The following TRDN variants were observed in gnomAD, a reference collection of about 807,000 sequenced individuals.
TRDN encodes triadin.
In TRDN, 161 loss-of-function variants were observed where a neutral mutation model predicts 149.7. The ratio of observed to expected loss-of-function variants is 1.08; its 90% CI spans 0.95 to 1.23. The LOEUF (loss-of-function observed/expected upper bound fraction) is 1.23. Ranked by LOEUF, TRDN falls within the 50% of genes most tolerant of loss-of-function variation. The probability of loss-of-function intolerance (pLI) is 0.00; values close to 1 mark genes in which losing one functional copy is unlikely to be tolerated. For synonymous variants in TRDN, 294 were observed against 250.5 expected, an observed-to-expected ratio of 1.17 and a Z score of -1.64; for missense variants, 896 against 823.5, an observed-to-expected ratio of 1.09 and a Z score of -1.08.
chr6:123,320,630 C>T (rs1262918239), intron 23 of TRDN, among the ~76,000 whole-genome samples: 2 of 152,050 alleles, frequency 1.3e-5, no homozygotes, highest in Non-Finnish European at 1.5e-5. Flanking sequence ...TTAAGCACTT[C>T]AACACACTTC....
intron 4 of TRDN, among the ~76,000 whole-genome samples, chr6:123,543,909 G>A (rs914914154): frequency 4.4e-4 from 67 of 151,644 alleles, no homozygotes; most frequent in African/African-American, 1.6e-3. Flanking sequence ...TTTTACCCAA[G>A]AGCTACATTA....
intron 22 of TRDN, among the ~76,000 whole-genome samples, chr6:123,337,002 T>C (rs1397530152): frequency 6.6e-6 from 1 of 151,922 alleles, no homozygotes; most frequent in Non-Finnish European, 1.5e-5. Flanking sequence ...TCAGTTTAAA[T>C]ATTTACATAG....
chr6:123,527,825 T>G (rs1461275614), intron 5 of TRDN, among the ~76,000 whole-genome samples: 1 of 151,472 alleles, frequency 6.6e-6, no homozygotes, highest in Non-Finnish European at 1.5e-5. Context: ...GTACTGTATG[T>G]GACCAATACA....
chr6:123,391,652 C>T (rs1487509006), intron 13 of TRDN, among the ~76,000 whole-genome samples: 1 of 151,806 alleles, frequency 6.6e-6, no homozygotes, highest in Non-Finnish European at 1.5e-5. Flanking sequence ...AGAATATATG[C>T]TAAATCTTAA....
At chr6:123,402,086 T>C (rs1773004547) in intron 12 of TRDN, among the ~76,000 whole-genome samples, 1 of 152,166 alleles carries the variant, frequency 6.6e-6, no homozygotes, top group African/African-American at 2.4e-5. Flanking sequence ...AAGAGTCTTG[T>C]TTGATGTTAA....
chr6:123,266,269 AG>A (rs1344820105), intron 32 of TRDN, among the ~76,000 whole-genome samples: 1 of 29,474 alleles, frequency 3.4e-5, no homozygotes, highest in African/African-American at 9.1e-5. Flanking sequence ...TATTATATAT[AG>A]TAATATATAT....
At chr6:123,323,482 A>G (rs372476031) in intron 23 of TRDN, among the ~76,000 whole-genome samples, 1 of 152,152 alleles carries the variant, frequency 6.6e-6, no homozygotes, top group African/African-American at 2.4e-5. Context: ...AACAGAAACA[A>G]AACAAAAACA....
intron 12 of TRDN, among the ~76,000 whole-genome samples, chr6:123,400,977 T>C (rs1772944535): frequency 6.6e-6 from 1 of 152,150 alleles, no homozygotes; most frequent in African/African-American, 2.4e-5. Flanking sequence ...GTACCTTGTA[T>C]CTCTAACACA....
At chr6:123,255,731 T>A in intron 36 of TRDN, 136 bp downstream of exon 36, 1 of 412,002 alleles carries the variant, frequency 2.4e-6, no homozygotes, top group Non-Finnish European at 4.1e-6. Flanking sequence ...CTTACCATAT[T>A]TCTTCTTTTA....
intron 20 of TRDN, among the ~76,000 whole-genome samples, chr6:123,364,409 C>T (rs547399394): frequency 3.9e-5 from 6 of 152,172 alleles, no homozygotes; most frequent in East Asian, 1.9e-4. Flanking sequence ...GAGGCTGAGG[C>T]GGGCAGATCA....
intron 10 of TRDN, among the ~76,000 whole-genome samples, chr6:123,457,974 T>C (rs1776231422): frequency 6.6e-6 from 1 of 152,206 alleles, no homozygotes; most frequent in Non-Finnish European, 1.5e-5. Context: ...ATCTGGCAGA[T>C]GAGGAAACCC....
intron 1 of TRDN, among the ~76,000 whole-genome samples, chr6:123,574,991 A>AT: frequency 6.6e-6 from 1 of 150,816 alleles, no homozygotes; most frequent in African/African-American, 2.4e-5. Flanking sequence ...TTTCTAAACA[A>AT]CTGACATAAT....
At chr6:123,305,814 G>A (rs1778586940) in intron 24 of TRDN, among the ~76,000 whole-genome samples, 1 of 152,092 alleles carries the variant, frequency 6.6e-6, no homozygotes, top group South Asian at 2.1e-4. Flanking sequence ...TATCTGTACT[G>A]TGAGCAGCTC....
At chr6:123,267,840 A>G in intron 31 of TRDN, 89 bp from the exon 32 acceptor site, 4 of 982,180 alleles carry the variant, frequency 4.1e-6, no homozygotes, top group Non-Finnish European at 5.8e-6. Context: ...TCCTCAGTTT[A>G]CCCAAGAGGC....
In TRDN at chr6:123,278,359, G is replaced by C. The variant is rs1474702814; in HGVS notation, c.1538-12C>G. ...TTTTCCTTGTAGTTCTAAAAATATA[G>C]ATGAACATTAGTAACAATGATTATA... On this transcript the variant is annotated splice_polypyrimidine_tract_variant and intron_variant, in intron 25 of 40. Transcript: ENST00000334268. 3.9e-6 allele frequency: 5 copies of C among 1,271,148 alleles called. No homozygotes were observed. Among genetic ancestry groups the C allele is most frequent in the Non-Finnish European group, 5.3e-6 (5 of 938,678 alleles). The allele number at this position is 1,271,148 out of a possible 1,614,324, so 78.7% of individuals were successfully genotyped here.
At chr6:123,632,347 C>A (rs991065277) in intron 1 of TRDN, among the ~76,000 whole-genome samples, 6 of 151,954 alleles carry the variant, frequency 3.9e-5, no homozygotes, top group African/African-American at 1.4e-4. Context: ...AGAGTCAGTT[C>A]TAGCTATCAT....
intron 10 of TRDN, chr6:123,442,407 G>A (rs991991655): frequency 1.0e-4 from 14 of 140,428 alleles, no homozygotes; most frequent in African/African-American, 1.5e-4. Context: ...TTAGCCGGGC[G>A]TGATGGTGGG....
chr6:123,223,958 A>C, intron 39 of TRDN, 135 bp downstream of exon 39: 1 of 653,024 alleles, frequency 1.5e-6, no homozygotes, highest in South Asian at 2.4e-5. Context: ...TTTAAAAATA[A>C]GCCTACCATG....
chr6:123,586,045 A>G (rs1783462143), intron 1 of TRDN, among the ~76,000 whole-genome samples: 6 of 152,228 alleles, frequency 3.9e-5, no homozygotes, highest in Middle Eastern at 3.4e-3. Context: ...CTAGGGCTGT[A>G]AAGTGTCTCA....
Sources: gnomAD v4.1 joint callset for allele counts (sites outside exome capture counted in the v4.1 genomes callset) on GRCh38, gnomAD v4.1.1 for gene constraint, MANE v1.5 for transcripts, NCBI Gene and HGNC (gene_info 2026-07-23, HGNC 2026-07-21) for gene names.